ETF1: variants seen among roughly 807,000 people sequenced by gnomAD.
ETF1 encodes eukaryotic peptide chain release factor subunit 1.
In ETF1, 4 loss-of-function variants were observed where a neutral mutation model predicts 55.1. The ratio of observed to expected loss-of-function variants is 0.07; its 90% CI spans 0.04 to 0.17. The LOEUF is 0.17. Ranked by LOEUF, ETF1 falls within the 10% of genes least tolerant of loss-of-function variation. The pLI, the probability that ETF1 is intolerant of heterozygous loss-of-function variation, is 1.00. For missense variants in ETF1, 142 were observed against 523.6 expected, an observed-to-expected ratio of 0.27 and a Z score of 7.11; for synonymous variants, 157 against 182.3, an observed-to-expected ratio of 0.86 and a Z score of 1.12.
intron 4 of ETF1, among the ~76,000 whole-genome samples, chr5:138,516,313 C>T (rs914355642): frequency 1.3e-5 from 2 of 152,122 alleles, no homozygotes; most frequent in African/African-American, 4.8e-5. Flanking sequence ...CATTGCATGC[C>T]TGTATCAAAA....
Position 138,506,698 on chromosome 5 carries a change from GAACCAGA to G in ETF1, c.*1600_*1606del, listed in dbSNP as rs1764572569. On this transcript the variant is annotated 3_prime_UTR_variant, in exon 11 of 11. Transcript: ENST00000360541. ...ATTTGGACCTCAGAGTACAGTGTGA[GAACCAGA>G]AACTTTACATTTAAGACATACTCCC... 2 of 152,650 alleles carry G rather than the reference GAACCAGA, an allele frequency of 1.3e-5. No homozygotes were observed. The highest frequency in any genetic ancestry group is 1.3e-4 in the Admixed American group (2 of 15,280). The allele number at this position is 152,650 out of a possible 1,614,324, so 9.5% of individuals were successfully genotyped here.
At chr5:138,531,491 C>T (rs1765697106) in intron 2 of ETF1, among the ~76,000 whole-genome samples, 2 of 152,192 alleles carry the variant, frequency 1.3e-5, no homozygotes, top group South Asian at 4.1e-4. Flanking sequence ...ACTTTACCAG[C>T]CCGAACACTC....
chr5:138,508,549 C>A, intron 10 of ETF1, 120 bp downstream of exon 10: 1 of 1,553,894 alleles, frequency 6.4e-7, no homozygotes. Flanking sequence ...GCACCTGCTG[C>A]GTCAATCACC....
chr5:138,515,373 C>A (rs949840495), intron 4 of ETF1, among the ~76,000 whole-genome samples: 1 of 151,828 alleles, frequency 6.6e-6, no homozygotes, highest in African/African-American at 2.4e-5. Context: ...TGCAAGGAGC[C>A]GAGATCGTGC....
chr5:138,533,508 A>C (rs1765788610), intron 2 of ETF1, among the ~76,000 whole-genome samples: 1 of 152,088 alleles, frequency 6.6e-6, no homozygotes, highest in African/African-American at 2.4e-5. Flanking sequence ...CAACATGGTG[A>C]AACCCTGTCT....
At chr5:138,540,461 T>A (rs1265695235) in intron 2 of ETF1, among the ~76,000 whole-genome samples, 1 of 152,208 alleles carries the variant, frequency 6.6e-6, no homozygotes, top group African/African-American at 2.4e-5. Context: ...CATTTTCCAC[T>A]GTACCCTATC....
chr5:138,511,213 A>G lies in ETF1; in HGVS notation c.863-13T>C. 1.2e-6 allele frequency: 2 copies of G among 1,613,922 alleles called. No homozygotes were observed. Among genetic ancestry groups the G allele is most frequent in the Non-Finnish European group, 1.7e-6 (2 of 1,179,938 alleles). On this transcript the variant is annotated splice_polypyrimidine_tract_variant and intron_variant, in intron 7 of 10. Coordinates refer to ENST00000360541, the MANE Select transcript of ETF1 (RefSeq NM_004730.4). ...TCAAAGTATCGTCCTACGATTAGGG[A>G]TCAGTCAACAGGATATATATTAAAG...
Position 138,518,883 on chromosome 5 carries a change from T to C in ETF1, c.87-16A>G, listed in dbSNP as rs1765124291. 2 of 1,612,122 alleles carry C rather than the reference T, an allele frequency of 1.2e-6. No individual in the cohort carries two copies. The highest frequency in any genetic ancestry group is 2.7e-5 in the African/African-American group (2 of 75,034). ...GGTGCCATTGCTGTGGAAGAAAGAA[T>C]AACTCATTAGGGATTTAAATATCAT... On this transcript the variant is annotated splice_polypyrimidine_tract_variant and intron_variant, in intron 2 of 10. Coordinates refer to ENST00000360541, the MANE Select transcript of ETF1 (RefSeq NM_004730.4).
intron 2 of ETF1, among the ~76,000 whole-genome samples, chr5:138,531,984 T>C (rs1765720282): frequency 6.6e-6 from 1 of 152,018 alleles, no homozygotes; most frequent in Non-Finnish European, 1.5e-5. Context: ...AGGCGGAGCT[T>C]GCAGTGAGCC....
rs984996377 is a variant in ETF1 at position 138,542,821 on chromosome 5, C to G, written c.86+12G>C. 1 of 1,611,982 alleles carries G rather than the reference C, an allele frequency of 6.2e-7. No individual in the cohort carries two copies. The highest frequency in any genetic ancestry group is 8.5e-7 in the Non-Finnish European group (1 of 1,179,612). On this transcript the variant is annotated intron_variant, in intron 2 of 10. Coordinates refer to ENST00000360541, the MANE Select transcript of ETF1 (RefSeq NM_004730.4). ...CCAAGAGGGCACGGAGGGTGCCGGA[C>G]GCGGCGCTCACCCGCGGGCCGCCTC...
intron 2 of ETF1, among the ~76,000 whole-genome samples, chr5:138,532,107 A>G (rs1165944325): frequency 6.6e-6 from 1 of 152,164 alleles, no homozygotes; most frequent in Non-Finnish European, 1.5e-5. Context: ...TGGGAAAGTC[A>G]CTAAGCCAGC....
In ETF1 at chr5:138,512,761, T is replaced by C; in HGVS notation, c.732+3A>G. 1 of 1,583,670 alleles carries C rather than the reference T, an allele frequency of 6.3e-7. No homozygotes were observed. Among genetic ancestry groups the C allele is most frequent in the Non-Finnish European group, 8.5e-7 (1 of 1,169,994 alleles). On this transcript the variant is annotated splice_donor_region_variant and intron_variant, in intron 6 of 10. Transcript: ENST00000360541. ...CATAATAAAGCATCTACTTCTTACT[T>C]ACCTGATCAAACATATCAGATTGAC...
intron 9 of ETF1, 39 bp from the exon 10 acceptor site, chr5:138,508,855 G>A (rs1451938055): frequency 1.9e-6 from 3 of 1,600,808 alleles, no homozygotes; most frequent in Non-Finnish European, 2.6e-6. Context: ...TGGGGGATTA[G>A]GATATATGAA....
At position 138,518,883 on chromosome 5, in the gene ETF1, T is replaced by G; in HGVS notation, c.87-16A>C. 8.7e-6 allele frequency: 14 copies of G among 1,612,122 alleles called. No individual in the cohort carries two copies. Among genetic ancestry groups the G allele is most frequent in the Non-Finnish European group, 1.2e-5 (14 of 1,178,294 alleles). On this transcript the variant is annotated splice_polypyrimidine_tract_variant and intron_variant, in intron 2 of 10. Coordinates refer to ENST00000360541, the MANE Select transcript of ETF1 (RefSeq NM_004730.4). ...GGTGCCATTGCTGTGGAAGAAAGAATAACTCATTAGGGATTTAAATATCAT... is the reference window on the plus strand; with the variant it reads ...GGTGCCATTGCTGTGGAAGAAAGAAGAACTCATTAGGGATTTAAATATCAT...
chr5:138,540,757 A>G (rs1766138976), intron 2 of ETF1, among the ~76,000 whole-genome samples: 1 of 152,188 alleles, frequency 6.6e-6, no homozygotes, highest in Non-Finnish European at 1.5e-5. Context: ...GTTGTGTCTT[A>G]TAACTTCATT....
At chr5:138,519,477 CAG>C (rs1287358357) in intron 2 of ETF1, among the ~76,000 whole-genome samples, 1 of 150,932 alleles carries the variant, frequency 6.6e-6, no homozygotes, top group East Asian at 1.9e-4. Context: ...GCCTGGCCAA[CAG>C]AGTGAAACCT....
intron 6 of ETF1, chr5:138,511,915 G>A (rs762917398): frequency 2.3e-5 from 23 of 984,534 alleles, no homozygotes; most frequent in East Asian, 1.1e-4. Context: ...AGGTTAAGAC[G>A]GGCTGGGGAG....
intron 2 of ETF1, chr5:138,519,164 T>C: frequency 6.1e-6 from 6 of 984,620 alleles, no homozygotes; most frequent in Non-Finnish European, 7.2e-6. Flanking sequence ...CTATCTATGA[T>C]AAATAAGGAG....
intron 2 of ETF1, 52 bp downstream of exon 2, chr5:138,542,781 T>C: frequency 6.2e-7 from 1 of 1,602,746 alleles, no homozygotes; most frequent in Non-Finnish European, 8.5e-7. Context: ...GCGTCCATCC[T>C]GAGGGGTCCG....
Sources: gnomAD v4.1 joint callset for allele counts (sites outside exome capture counted in the v4.1 genomes callset) on GRCh38, gnomAD v4.1.1 for gene constraint, MANE v1.5 for transcripts, NCBI Gene and HGNC (gene_info 2026-07-23, HGNC 2026-07-21) for gene names.